The following BANK1 variants were observed in gnomAD, a reference collection of about 807,000 sequenced individuals.
BANK1 encodes B cell scaffold protein with ankyrin repeats 1.
In BANK1, 95 loss-of-function variants were observed where a neutral mutation model predicts 94.5. The ratio of observed to expected loss-of-function variants is 1.00; its 90% confidence interval spans 0.85 to 1.19. BANK1 has a LOEUF of 1.19. Among genes scored for constraint, BANK1 ranks in the 50% most tolerant of loss-of-function variants. The pLI, the probability that BANK1 is intolerant of heterozygous loss-of-function variation, is 0.00. For missense variants in BANK1, 987 were observed against 932.2 expected, an observed-to-expected ratio of 1.06 and a Z score of -0.77; for synonymous variants, 334 against 308.4, an observed-to-expected ratio of 1.08 and a Z score of -0.87.
chr4:101,961,425 G>A (rs1724567539), intron 7 of BANK1, among the ~76,000 whole-genome samples: 1 of 152,144 alleles, frequency 6.6e-6, no homozygotes, highest in Non-Finnish European at 1.5e-5. Flanking sequence ...CTGGCACTAA[G>A]CTGCCAACTT....
chr4:101,853,482 A>T (rs1039698082), intron 2 of BANK1, among the ~76,000 whole-genome samples: 4 of 151,774 alleles, frequency 2.6e-5, no homozygotes, highest in Non-Finnish European at 4.4e-5. Flanking sequence ...AAGTATTTGG[A>T]TTTTTTTTCT....
intron 4 of BANK1, among the ~76,000 whole-genome samples, chr4:101,866,545 C>T (rs936362408): frequency 6.6e-5 from 10 of 152,084 alleles, no homozygotes; most frequent in African/African-American, 1.9e-4. Context: ...ATATTACATT[C>T]GAACTGTAGA....
chr4:101,955,579 A>G (rs1724310188), intron 7 of BANK1, among the ~76,000 whole-genome samples: 1 of 152,216 alleles, frequency 6.6e-6, no homozygotes, highest in South Asian at 2.1e-4. Flanking sequence ...AACCTCTTGA[A>G]AGATAATGCA....
At chr4:101,838,875 T>G (rs1433689175) in intron 2 of BANK1, among the ~76,000 whole-genome samples, 1 of 152,226 alleles carries the variant, frequency 6.6e-6, no homozygotes, top group African/African-American at 2.4e-5. Flanking sequence ...AACATTTTCT[T>G]GTTCACACGT....
intron 7 of BANK1, among the ~76,000 whole-genome samples, chr4:102,001,577 C>T (rs1726076517): frequency 6.6e-6 from 1 of 152,024 alleles, no homozygotes; most frequent in South Asian, 2.1e-4. Context: ...TCCAGCCTGG[C>T]ACAGATAACA....
At chr4:102,024,978 G>A (rs1490645418) in intron 8 of BANK1, among the ~76,000 whole-genome samples, 1 of 152,160 alleles carries the variant, frequency 6.6e-6, no homozygotes, top group Non-Finnish European at 1.5e-5. Context: ...CATATACACA[G>A]ATAGCAAGAC....
intron 1 of BANK1, among the ~76,000 whole-genome samples, chr4:101,815,235 G>A (rs1725868717): frequency 6.6e-6 from 1 of 152,088 alleles, no homozygotes; most frequent in African/African-American, 2.4e-5. Context: ...TCATGCTACA[G>A]GAGCTTAACA....
intron 7 of BANK1, among the ~76,000 whole-genome samples, chr4:102,006,956 GTA>G (rs1726279776): frequency 6.8e-6 from 1 of 146,694 alleles, no homozygotes; most frequent in African/African-American, 2.5e-5. Flanking sequence ...TCTGTGGCCT[GTA>G]TTTATTTTTT....
intron 10 of BANK1, among the ~76,000 whole-genome samples, chr4:102,032,934 AACTCTACTTTTTAACTTATG>A (rs1727373136): frequency 6.6e-6 from 1 of 152,094 alleles, no homozygotes; most frequent in African/African-American, 2.4e-5. Context: ...CCTCAATGGA[AACTCTACTTTTTAACTTATG>A]GACAGCATTG....
rs545305676 is a variant in BANK1 at position 102,021,660 on chromosome 4, T to C, written c.1285+68T>C. The C allele has an allele frequency of 1.1e-5, 7 of 634,812 alleles. No individual in the cohort carries two copies. The South Asian group carries it at 3.5e-4, about 32-fold the overall frequency. The allele number at this position is 634,812 out of a possible 1,614,324, so 39.3% of individuals were successfully genotyped here. ...ATATATCACATATATATGTGACTTATGGAAGATGTAACTGAAAAAGCAAGA... is the reference window on the plus strand; with the variant it reads ...ATATATCACATATATATGTGACTTACGGAAGATGTAACTGAAAAAGCAAGA... On this transcript the variant is annotated intron_variant, in intron 8 of 16. Transcript: ENST00000322953.
At chr4:102,019,611 T>A (rs2631259) in intron 7 of BANK1, among the ~76,000 whole-genome samples, 19,353 of 152,230 alleles carry the variant, frequency 0.13, 1,398 homozygotes, top group Admixed American at 0.21. Context: ...GTCTACTCCA[T>A]CACACAGCCA....
intron 6 of BANK1, among the ~76,000 whole-genome samples, chr4:101,906,090 G>A (rs905918648): frequency 1.3e-5 from 2 of 152,142 alleles, no homozygotes; most frequent in African/African-American, 4.8e-5. Context: ...TTGGGCCTGG[G>A]CATTGCGAGC....
At chr4:101,861,910 C>T (rs1019437807) in intron 3 of BANK1, among the ~76,000 whole-genome samples, 4 of 151,998 alleles carry the variant, frequency 2.6e-5, no homozygotes, top group African/African-American at 9.7e-5. Flanking sequence ...CATTTGGCCT[C>T]TCCATCTTAA....
intron 11 of BANK1, among the ~76,000 whole-genome samples, chr4:102,058,763 T>A (rs1728317064): frequency 6.9e-6 from 1 of 144,836 alleles, no homozygotes; most frequent in Non-Finnish European, 1.5e-5. Context: ...AAAAGACAAG[T>A]CAAGAAAGCC....
At chr4:101,951,895 A>C (rs1015026551) in intron 7 of BANK1, among the ~76,000 whole-genome samples, 5 of 152,042 alleles carry the variant, frequency 3.3e-5, no homozygotes, top group South Asian at 2.1e-4. Context: ...ATGTGTGCTC[A>C]TAAGTAGAAA....
chr4:101,933,327 A>AT lies in BANK1; in HGVS notation c.1206+15138_1206+15139insT, dbSNP rs1268176570. Among the ~76,000 whole-genome samples the AT allele has an allele frequency of 7.3e-5, 11 of 151,226 alleles. No individual in the cohort carries two copies. The East Asian group carries it at 2.2e-3, about 30-fold the overall frequency. ...TAAGAAAGGAGAAAAAAAAAAAAAA[A>AT]AGCTAAGCATGAGAGCATTCACTGG... On this transcript the variant is annotated intron_variant, in intron 7 of 16. Transcript: ENST00000322953.
At chr4:101,823,688 T>G (rs1358198782) in intron 1 of BANK1, among the ~76,000 whole-genome samples, 2 of 152,222 alleles carry the variant, frequency 1.3e-5, no homozygotes, top group African/African-American at 4.8e-5. Flanking sequence ...CCAAGCTTTT[T>G]TATATAGAAA....
rs150886474 is a variant in BANK1 at position 101,973,056 on chromosome 4, G to GT, written c.1207-48448dup. ...TCTCAGACAGGAGGAATCTGTGGTG[G>GT]TTTTTTTTTTAGCTCTATTACCCAA... On this transcript the variant is annotated intron_variant, in intron 7 of 16. Transcript: ENST00000322953. Among the ~76,000 whole-genome samples the GT allele has an allele frequency of 7.0e-3, 1,027 of 146,836 alleles. 15 individuals carry two copies. The highest frequency in any genetic ancestry group is 0.058 in the East Asian group (292 of 5,034).
chr4:102,053,619 C>T (rs1165009788), intron 11 of BANK1, among the ~76,000 whole-genome samples: 2 of 151,030 alleles, frequency 1.3e-5, no homozygotes, highest in Non-Finnish European at 3.0e-5. Context: ...AAAGTATTAA[C>T]CAAAACATAT....
Sources: allele counts gnomAD v4.1 joint callset (sites outside exome capture counted in the v4.1 genomes callset), GRCh38; gene constraint gnomAD v4.1.1; transcripts MANE v1.5; gene names NCBI Gene and HGNC (gene_info 2026-07-23, HGNC 2026-07-21).